The following TAB2 variants were observed in gnomAD, a reference collection of about 807,000 sequenced individuals.
TAB2 encodes TGF-beta activated kinase 1 (MAP3K7) binding protein 2.
TAB2 carries 3 observed loss-of-function variants against 65.0 expected under a neutral mutation model. The ratio of observed to expected loss-of-function variants is 0.05; its 90% CI spans 0.02 to 0.12. The LOEUF is 0.12. Among genes scored for constraint, TAB2 ranks in the 10% least tolerant of loss-of-function variants. TAB2 has a pLI of 1.00. For synonymous variants in TAB2, 298 were observed against 285.1 expected (o/e 1.05, Z -0.46); for missense variants, 623 against 840.3 (o/e 0.74, Z 3.20).
intron 1 of TAB2, among the ~76,000 whole-genome samples, chr6:149,362,871 AC>A (rs1351969924): frequency 2.0e-5 from 3 of 152,180 alleles, no homozygotes; most frequent in African/African-American, 7.2e-5. Context: ...TAACTTAAGT[AC>A]AATAGTAATG....
intron 1 of TAB2, among the ~76,000 whole-genome samples, chr6:149,329,106 C>A (rs1473011586): frequency 6.6e-6 from 1 of 152,196 alleles, no homozygotes; most frequent in Middle Eastern, 3.4e-3. Context: ...CATCGAGATA[C>A]CTGTATACTC....
chr6:149,284,645 T>TACACACAC (rs59723819), intron 1 of TAB2, among the ~76,000 whole-genome samples: 163 of 141,620 alleles, frequency 1.2e-3, no homozygotes, highest in African/African-American at 2.4e-3. Flanking sequence ...ATGATCTCTT[T>TACACACAC]ACACACACAC....
At chr6:149,309,498 A>G (rs1470069623) in intron 1 of TAB2, among the ~76,000 whole-genome samples, 1 of 150,154 alleles carries the variant, frequency 6.7e-6, no homozygotes, top group Non-Finnish European at 1.5e-5. Context: ...CCAGGTTCAC[A>G]CCTTTCTCCT....
At chr6:149,248,498 G>GAA (rs952835617) in intron 1 of TAB2, among the ~76,000 whole-genome samples, 2 of 139,998 alleles carry the variant, frequency 1.4e-5, no homozygotes, top group Admixed American at 7.2e-5. Flanking sequence ...GAGAGAGAGA[G>GAA]AAAGAGAGAA....
chr6:149,373,120 T>C (rs193194236), intron 2 of TAB2, among the ~76,000 whole-genome samples: 148 of 152,328 alleles, frequency 9.7e-4, no homozygotes, highest in African/African-American at 3.3e-3. Flanking sequence ...CCTTCTGCTG[T>C]GAATTCTGTA....
intron 1 of TAB2, among the ~76,000 whole-genome samples, chr6:149,276,608 A>G (rs983569564): frequency 3.3e-5 from 5 of 152,190 alleles, no homozygotes; most frequent in African/African-American, 4.8e-5. Flanking sequence ...CCTCACTCAT[A>G]AGAGGAATTA....
At chr6:149,405,808 T>C (rs948536721) in intron 6 of TAB2, among the ~76,000 whole-genome samples, 29 of 152,006 alleles carry the variant, frequency 1.9e-4, no homozygotes, top group African/African-American at 7.0e-4. Flanking sequence ...ATAAATAAAC[T>C]CTGGAGATCT....
chr6:149,374,124 A>AT (rs1781323987), intron 2 of TAB2, among the ~76,000 whole-genome samples: 2 of 152,286 alleles, frequency 1.3e-5, no homozygotes, highest in Non-Finnish European at 2.9e-5. Context: ...AGTGAAAAGA[A>AT]TTTTTTTATC....
chr6:149,330,936 G>A (rs1467659346), intron 1 of TAB2, among the ~76,000 whole-genome samples: 1 of 152,074 alleles, frequency 6.6e-6, no homozygotes, highest in African/African-American at 2.4e-5. Flanking sequence ...AGCCGTAATT[G>A]TGAGGATCTA....
chr6:149,347,878 T>C (rs1019769793), intron 1 of TAB2, among the ~76,000 whole-genome samples: 1 of 152,148 alleles, frequency 6.6e-6, no homozygotes, highest in Non-Finnish European at 1.5e-5. Flanking sequence ...AAATAGTGTA[T>C]GTACTTAGGT....
intron 6 of TAB2, chr6:149,401,342 A>G (rs1782402918): frequency 6.1e-6 from 1 of 164,538 alleles, no homozygotes; most frequent in African/African-American, 2.4e-5. Context: ...ATTTAAAGAC[A>G]CACATAGGCA....
chr6:149,404,753 C>CA (rs1319173950), intron 6 of TAB2, among the ~76,000 whole-genome samples: 2 of 152,032 alleles, frequency 1.3e-5, no homozygotes, highest in African/African-American at 4.8e-5. Flanking sequence ...ACACTGTATA[C>CA]AAAAATAAAC....
At chr6:149,366,051 T>A (rs1781029622) in intron 1 of TAB2, among the ~76,000 whole-genome samples, 1 of 152,208 alleles carries the variant, frequency 6.6e-6, no homozygotes, top group Non-Finnish European at 1.5e-5. Flanking sequence ...TTAAAATACT[T>A]ATGTGCTAAT....
intron 1 of TAB2, among the ~76,000 whole-genome samples, chr6:149,254,508 T>C (rs906070353): frequency 2.6e-5 from 4 of 152,240 alleles, no homozygotes; most frequent in African/African-American, 9.6e-5. Flanking sequence ...AACAGGCAAC[T>C]ACTTGTGATC....
chr6:149,337,093 T>C (rs1779957244), intron 1 of TAB2, among the ~76,000 whole-genome samples: 2 of 152,190 alleles, frequency 1.3e-5, no homozygotes, highest in Admixed American at 1.3e-4. Flanking sequence ...TTGATATCTC[T>C]ATAATTTATG....
chr6:149,404,004 TAAAG>T (rs1296332411), intron 6 of TAB2, among the ~76,000 whole-genome samples: 1 of 151,704 alleles, frequency 6.6e-6, no homozygotes, highest in Non-Finnish European at 1.5e-5. Context: ...ACAAGAAAAA[TAAAG>T]GTATCCAAAT....
intron 1 of TAB2, among the ~76,000 whole-genome samples, chr6:149,228,392 A>G (rs1395658665): frequency 6.6e-6 from 1 of 152,202 alleles, no homozygotes; most frequent in Non-Finnish European, 1.5e-5. Context: ...CTGGGGAGGC[A>G]GATTGCCCGT....
intron 1 of TAB2, among the ~76,000 whole-genome samples, chr6:149,226,569 T>C (rs1777282584): frequency 6.6e-6 from 1 of 152,242 alleles, no homozygotes; most frequent in Non-Finnish European, 1.5e-5. Flanking sequence ...AAAAACTGTT[T>C]TATCTTAACT....
intron 2 of TAB2, among the ~76,000 whole-genome samples, chr6:149,375,969 G>A (rs1017332496): frequency 1.2e-4 from 18 of 151,994 alleles, no homozygotes; most frequent in African/African-American, 4.3e-4. Flanking sequence ...GCATCAAGAT[G>A]CCTTTTTAGT....
Sources: gnomAD v4.1 joint callset for allele counts (sites outside exome capture counted in the v4.1 genomes callset) on GRCh38, gnomAD v4.1.1 for gene constraint, MANE v1.5 for transcripts, NCBI Gene and HGNC (gene_info 2026-07-23, HGNC 2026-07-21) for gene names.